SDK1: variants seen among roughly 807,000 people sequenced by gnomAD.
SDK1 encodes protein sidekick-1.
Under a neutral mutation model 245.5 loss-of-function variants are expected in SDK1, and 157 were observed. The ratio of observed to expected loss-of-function variants is 0.64; its 90% CI spans 0.56 to 0.73. SDK1 has a LOEUF of 0.73. Among genes scored for constraint, SDK1 ranks in the 30% least tolerant of loss-of-function variants. SDK1 has a pLI of 0.00. For missense variants in SDK1, 3,583 were observed against 3,002.3 expected (o/e 1.19, Z -4.52); for synonymous variants, 1,647 against 1,278.5 (o/e 1.29, Z -6.15).
chr7:3,736,810 C>G (rs1461325345), intron 4 of SDK1, among the ~76,000 whole-genome samples: 1 of 152,184 alleles, frequency 6.6e-6, no homozygotes, highest in African/African-American at 2.4e-5. Context: ...CCACTAAGAT[C>G]TACTTTTCTA....
At chr7:3,940,422 A>G (rs1354940481) in intron 5 of SDK1, among the ~76,000 whole-genome samples, 1 of 152,236 alleles carries the variant, frequency 6.6e-6, no homozygotes, top group Non-Finnish European at 1.5e-5. Context: ...CCTTGGTTGT[A>G]TGCCTGAAAA....
chr7:3,331,076 C>T (rs1467155707), intron 1 of SDK1, among the ~76,000 whole-genome samples: 2 of 151,984 alleles, frequency 1.3e-5, no homozygotes, highest in Non-Finnish European at 2.9e-5. Context: ...CTAGTCTGGC[C>T]AACATGGTGA....
intron 32 of SDK1, among the ~76,000 whole-genome samples, chr7:4,166,972 C>G (rs1332841705): frequency 6.6e-6 from 1 of 152,154 alleles, no homozygotes; most frequent in African/African-American, 2.4e-5. Flanking sequence ...CCTCCTACCC[C>G]CAGGCCTTCC....
At chr7:3,623,879 A>G (rs1019849566) in intron 2 of SDK1, among the ~76,000 whole-genome samples, 1 of 152,194 alleles carries the variant, frequency 6.6e-6, no homozygotes, top group Admixed American at 6.5e-5. Context: ...TTCAATTTCT[A>G]TGACAATATA....
intron 35 of SDK1, among the ~76,000 whole-genome samples, chr7:4,190,254 C>G (rs1783116018): frequency 6.6e-6 from 1 of 152,204 alleles, no homozygotes; most frequent in Non-Finnish European, 1.5e-5. Context: ...ATTGTGCAAA[C>G]CACAGGCCGC....
At chr7:4,221,387 C>T (rs903856238) in intron 40 of SDK1, 23 bp downstream of exon 40, 14 of 1,590,444 alleles carry the variant, frequency 8.8e-6, no homozygotes, top group South Asian at 3.4e-5. Context: ...GCCCCACAAA[C>T]GGGGTCTCAG....
chr7:3,838,801 A>G (rs890004498), intron 5 of SDK1, among the ~76,000 whole-genome samples: 1 of 151,974 alleles, frequency 6.6e-6, no homozygotes, highest in Non-Finnish European at 1.5e-5. Context: ...AAATGTTTGC[A>G]CTCTTGTCTT....
chr7:4,156,216 G>A (rs997626456), intron 30 of SDK1, among the ~76,000 whole-genome samples: 5 of 152,150 alleles, frequency 3.3e-5, no homozygotes, highest in African/African-American at 1.2e-4. Context: ...AGGAGCCAGT[G>A]GGGCTATGGT....
intron 4 of SDK1, among the ~76,000 whole-genome samples, chr7:3,800,413 A>T (rs1016602182): frequency 2.0e-5 from 3 of 151,666 alleles, no homozygotes; most frequent in African/African-American, 7.3e-5. Context: ...ACAGAGTCTC[A>T]CTCTGTCACC....
At chr7:4,207,351 T>G (rs1369999557) in intron 36 of SDK1, among the ~76,000 whole-genome samples, 1 of 152,340 alleles carries the variant, frequency 6.6e-6, no homozygotes, top group East Asian at 1.9e-4. Flanking sequence ...TGGCTGGCAC[T>G]GGTCGGAGGT....
intron 5 of SDK1, among the ~76,000 whole-genome samples, chr7:3,908,913 G>C (rs191374737): frequency 3.5e-4 from 53 of 151,710 alleles, no homozygotes; most frequent in African/African-American, 1.2e-3. Context: ...TACTTCCCTA[G>C]GATGTTTCTT....
chr7:4,023,071 G>A (rs1195765381), intron 17 of SDK1, among the ~76,000 whole-genome samples: 2 of 152,040 alleles, frequency 1.3e-5, no homozygotes, highest in African/African-American at 4.8e-5. Flanking sequence ...AACACGCCCG[G>A]CCCTTGTTTT....
chr7:3,638,661 C>T (rs1782546487), intron 2 of SDK1, among the ~76,000 whole-genome samples: 1 of 148,280 alleles, frequency 6.7e-6, no homozygotes, highest in African/African-American at 2.5e-5. Flanking sequence ...GGAGGGATAG[C>T]ATTAGGAGAT....
chr7:4,103,523 T>G (rs1244492213), intron 22 of SDK1, among the ~76,000 whole-genome samples: 2 of 152,250 alleles, frequency 1.3e-5, no homozygotes, highest in Admixed American at 1.3e-4. Context: ...TATAGAAATT[T>G]CAGTTTCTCC....
At chr7:3,764,763 A>G (rs1335181349) in intron 4 of SDK1, among the ~76,000 whole-genome samples, 2 of 152,194 alleles carry the variant, frequency 1.3e-5, no homozygotes, top group Non-Finnish European at 2.9e-5. Context: ...TAGCTTTGAT[A>G]TAAAGGAGAC....
chr7:4,205,019 C>T (rs187777049), intron 35 of SDK1, among the ~76,000 whole-genome samples: 5 of 75,312 alleles, frequency 6.6e-5, no homozygotes, highest in African/African-American at 3.6e-4. Context: ...CGCGGAGGTG[C>T]GGCCGCAACA....
chr7:3,812,226 A>G (rs1268002192), intron 4 of SDK1, among the ~76,000 whole-genome samples: 1 of 148,240 alleles, frequency 6.7e-6, no homozygotes, highest in Non-Finnish European at 1.5e-5. Context: ...TCAGAAAGGA[A>G]TAGTCAGAGT....
intron 5 of SDK1, among the ~76,000 whole-genome samples, chr7:3,927,302 G>A (rs1318939126): frequency 6.6e-6 from 1 of 152,074 alleles, no homozygotes; most frequent in Admixed American, 6.5e-5. Context: ...TTAAATTCAG[G>A]AAATGTTGGG....
chr7:3,554,496 A>G (rs1779520620), intron 1 of SDK1, among the ~76,000 whole-genome samples: 1 of 152,162 alleles, frequency 6.6e-6, no homozygotes, highest in Admixed American at 6.5e-5. Context: ...ATGAGGAGAG[A>G]TAGAGAAAGA....
Sources: allele counts gnomAD v4.1 joint callset (sites outside exome capture counted in the v4.1 genomes callset), GRCh38; gene constraint gnomAD v4.1.1; transcripts MANE v1.5; gene names NCBI Gene and HGNC (gene_info 2026-07-23, HGNC 2026-07-21).